Variants in SNRPD1 observed in about 807,000 individuals in gnomAD.
The protein encoded by SNRPD1 is small nuclear ribonucleoprotein Sm D1.
In SNRPD1, 1 loss-of-function variant was observed where a neutral mutation model predicts 14.4. The ratio of observed to expected loss-of-function variants is 0.07; its 90% confidence interval spans 0.02 to 0.33. The LOEUF (loss-of-function observed/expected upper bound fraction) is 0.33, where lower values mean the gene tolerates loss of function less well. Among genes scored for constraint, SNRPD1 ranks in the 10% least tolerant of loss-of-function variants. The pLI, the probability that SNRPD1 is intolerant of heterozygous loss-of-function variation, is 1.00. For missense variants in SNRPD1, 52 were observed against 146.4 expected (o/e 0.36, Z 3.33); for synonymous variants, 42 against 50.3 (o/e 0.83, Z 0.70).
At position 21,615,890 on chromosome 18, in the gene SNRPD1, A is replaced by G. The variant is rs143377402; in HGVS notation, c.14+3447A>G. On this transcript the variant is annotated intron_variant, in intron 1 of 3. Coordinates refer to ENST00000300413, the MANE Select transcript of SNRPD1 (RefSeq NM_006938.4). ...TATATTAGAATAACAATTGGTCCAC[A>G]TCCTCACCAGTATGTGGTGTTGTTT... Among the ~76,000 whole-genome samples, 115 of 152,316 alleles carry G rather than the reference A, an allele frequency of 7.6e-4. 1 individual carries two copies. Among genetic ancestry groups the G allele is most frequent in the Non-Finnish European group, 1.1e-3 (76 of 68,024 alleles).
At chr18:21,625,732 T>G (rs1484948355) in intron 3 of SNRPD1, among the ~76,000 whole-genome samples, 1 of 152,094 alleles carries the variant, frequency 6.6e-6, no homozygotes, top group Non-Finnish European at 1.5e-5. Flanking sequence ...TGCCTCTGCC[T>G]CTCCAGTAGC....
chr18:21,621,808 C>A (rs901610499), intron 1 of SNRPD1, among the ~76,000 whole-genome samples: 9 of 152,068 alleles, frequency 5.9e-5, no homozygotes, highest in African/African-American at 2.2e-4. Context: ...AATTCCTGAC[C>A]TCAGATGATC....
intron 3 of SNRPD1, among the ~76,000 whole-genome samples, chr18:21,626,567 G>T (rs1344411306): frequency 6.6e-6 from 1 of 151,680 alleles, no homozygotes; most frequent in East Asian, 1.9e-4. Flanking sequence ...GAGGCAGCTG[G>T]ATCACAAGGT....
chr18:21,616,363 T>C (rs1023117541), intron 1 of SNRPD1, among the ~76,000 whole-genome samples: 17 of 152,102 alleles, frequency 1.1e-4, no homozygotes, highest in African/African-American at 4.1e-4. Context: ...GTGGTTTACA[T>C]GTTCATTTCC....
At chr18:21,624,699 A>T (rs894149620) in intron 3 of SNRPD1, among the ~76,000 whole-genome samples, 17 of 117,986 alleles carry the variant, frequency 1.4e-4, no homozygotes, top group African/African-American at 7.2e-4. Flanking sequence ...TCAAAAAAAA[A>T]AAATATATAT....
chr18:21,632,143 T>G lies in SNRPD1; in HGVS notation c.*3005T>G, dbSNP rs2039089087. ...CTTAAATTTAAAATTTAAATGAAAATGGCCACTTAGCATAAGAGATCTAAA... is the reference window on the plus strand; with the variant it reads ...CTTAAATTTAAAATTTAAATGAAAAGGGCCACTTAGCATAAGAGATCTAAA... On this transcript the variant is annotated 3_prime_UTR_variant, in exon 4 of 4. Transcript: ENST00000300413. 1.3e-5 allele frequency: 2 copies of G among 151,904 alleles called. No homozygotes were observed. Among genetic ancestry groups the G allele is most frequent in the African/African-American group, 4.8e-5 (2 of 41,340 alleles). The allele number at this position is 151,904 out of a possible 1,614,324, so 9.4% of individuals were successfully genotyped here. A position where few individuals can be genotyped will look rare whatever the true frequency, so the allele number is the denominator to read the frequency against.
At chr18:21,623,185 G>C (rs959843989) in intron 2 of SNRPD1, among the ~76,000 whole-genome samples, 1 of 152,070 alleles carries the variant, frequency 6.6e-6, no homozygotes, top group Non-Finnish European at 1.5e-5. Context: ...TCCCGGGTCC[G>C]GGTTGAAGCA....
At chr18:21,614,022 C>T (rs932476495) in intron 1 of SNRPD1, among the ~76,000 whole-genome samples, 10 of 152,064 alleles carry the variant, frequency 6.6e-5, no homozygotes, top group Admixed American at 2.6e-4. Context: ...CCTGTAATCC[C>T]AACACTTTGG....
intron 1 of SNRPD1, among the ~76,000 whole-genome samples, chr18:21,615,374 G>A (rs2038949610): frequency 6.6e-6 from 1 of 152,160 alleles, no homozygotes; most frequent in African/African-American, 2.4e-5. Context: ...CCAGCACTTT[G>A]GGAGGCCGAG....
At chr18:21,613,419 C>G (rs766806496) in intron 1 of SNRPD1, among the ~76,000 whole-genome samples, 1 of 152,126 alleles carries the variant, frequency 6.6e-6, no homozygotes, top group Non-Finnish European at 1.5e-5. Flanking sequence ...CTGTTACATA[C>G]TAGGCGCTGG....
intron 1 of SNRPD1, among the ~76,000 whole-genome samples, chr18:21,618,234 G>T (rs940901757): frequency 1.3e-5 from 2 of 151,600 alleles, no homozygotes; most frequent in African/African-American, 4.9e-5. Context: ...ACTAGTCTAG[G>T]CAACATGGCA....
chr18:21,612,772 C>T (rs1314980128), intron 1 of SNRPD1, among the ~76,000 whole-genome samples: 1 of 152,266 alleles, frequency 6.6e-6, no homozygotes, highest in Non-Finnish European at 1.5e-5. Context: ...ACTCCCCAGT[C>T]CTGCTTAACA....
chr18:21,628,420 A>T (rs757053131), intron 3 of SNRPD1, among the ~76,000 whole-genome samples: 1 of 152,206 alleles, frequency 6.6e-6, no homozygotes, highest in African/African-American at 2.4e-5. Flanking sequence ...TTCTATGTCA[A>T]GATTTTCTAA....
At chr18:21,614,569 C>A (rs1046570703) in intron 1 of SNRPD1, among the ~76,000 whole-genome samples, 10 of 152,164 alleles carry the variant, frequency 6.6e-5, no homozygotes, top group Non-Finnish European at 1.5e-4. Context: ...CAGTTGGCAG[C>A]ATTGTCATCC....
chr18:21,613,097 TC>T (rs1342641901), intron 1 of SNRPD1, among the ~76,000 whole-genome samples: 5 of 152,222 alleles, frequency 3.3e-5, no homozygotes, highest in African/African-American at 9.6e-5. Context: ...TAGGAAAATC[TC>T]CCAATATAGG....
chr18:21,626,287 G>A (rs1208960501), intron 3 of SNRPD1, among the ~76,000 whole-genome samples: 1 of 151,630 alleles, frequency 6.6e-6, no homozygotes. Flanking sequence ...CCAGCTACTC[G>A]GGTGGCTGAG....
intron 1 of SNRPD1, among the ~76,000 whole-genome samples, chr18:21,617,162 C>G (rs1044102965): frequency 6.6e-6 from 1 of 150,568 alleles, no homozygotes; most frequent in African/African-American, 2.4e-5. Flanking sequence ...TGTAAAAAAT[C>G]AACCATATAA....
In SNRPD1 at chr18:21,630,771, G is replaced by C. The variant is rs1422192243; in HGVS notation, c.*1633G>C. 2 of 148,266 alleles carry C rather than the reference G, an allele frequency of 1.3e-5. No individual in the cohort carries two copies. Among genetic ancestry groups the C allele is most frequent in the African/African-American group, 4.9e-5 (2 of 40,692 alleles). The allele number at this position is 148,266 out of a possible 1,614,324, so 9.2% of individuals were successfully genotyped here. A position where few individuals can be genotyped will look rare whatever the true frequency, so the allele number is the denominator to read the frequency against. ...TGAGACTACGTCTCAAAAAAAAATC[G>C]AGAGAGAGATATATATATGTATTTA... On this transcript the variant is annotated 3_prime_UTR_variant, in exon 4 of 4. Transcript: ENST00000300413.
At chr18:21,625,315 A>ATTTTT (rs748864232) in intron 3 of SNRPD1, among the ~76,000 whole-genome samples, 5 of 98,262 alleles carry the variant, frequency 5.1e-5, no homozygotes, top group Admixed American at 1.1e-4. Context: ...TGTTGAAAAA[A>ATTTTT]ATTTTTTTTT....
Sources: gnomAD v4.1 joint callset for allele counts (sites outside exome capture counted in the v4.1 genomes callset) on GRCh38, gnomAD v4.1.1 for gene constraint, MANE v1.5 for transcripts, NCBI Gene and HGNC (gene_info 2026-07-23, HGNC 2026-07-21) for gene names.